SGSM1: variants seen among roughly 807,000 people sequenced by gnomAD.
SGSM1 encodes RUN and TBC1 domain containing 2.
SGSM1 carries 73 observed loss-of-function variants against 133.8 expected under a neutral mutation model. The ratio of observed to expected loss-of-function variants is 0.55; its 90% confidence interval spans 0.45 to 0.66. The LOEUF (loss-of-function observed/expected upper bound fraction) is 0.66, where lower values mean the gene tolerates loss of function less well. SGSM1 is among the 30% of genes least tolerant of loss of function. The pLI, the probability that SGSM1 is intolerant of heterozygous loss-of-function variation, is 0.00. For missense variants in SGSM1, 1,213 were observed against 1,448.1 expected (o/e 0.84, Z 2.64); for synonymous variants, 563 against 573.0 (o/e 0.98, Z 0.25).
rs938373680 is a variant in SGSM1, at chr22:24,905,249, G to A, written c.2818+62G>A. ...ATTTCCTTTCCACTGCATGGCAGAA[G>A]GCTTAATCTCACTTTGTGACTCTGT... On this transcript the variant is annotated intron_variant, in intron 21 of 24. Coordinates refer to ENST00000400358, the MANE Select transcript of SGSM1 (RefSeq NM_001098497.3). 6 of 1,486,502 alleles carry A rather than the reference G, an allele frequency of 4.0e-6. No homozygotes were observed. The African/African-American group carries it at 5.5e-5, about 14-fold the overall frequency. 92.1% of individuals were successfully genotyped at this position (1,486,502 alleles called of 1,614,324 possible). A position where few individuals can be genotyped will look rare whatever the true frequency, so the allele number is the denominator to read the frequency against.
At chr22:24,889,581 C>T (rs185656363) in intron 16 of SGSM1, among the ~76,000 whole-genome samples, 25 of 151,090 alleles carry the variant, frequency 1.7e-4, no homozygotes, top group African/African-American at 5.1e-4. Flanking sequence ...GCCTAATTTT[C>T]GTATTTTTAG....
At chr22:24,822,752 G>A (rs558655743) in intron 2 of SGSM1, among the ~76,000 whole-genome samples, 1 of 152,308 alleles carries the variant, frequency 6.6e-6, no homozygotes, top group Non-Finnish European at 1.5e-5. Flanking sequence ...AAGGGAGCAG[G>A]TGCATTGGTT....
chr22:24,825,873 T>G (rs933426243), intron 2 of SGSM1, among the ~76,000 whole-genome samples: 9 of 152,194 alleles, frequency 5.9e-5, no homozygotes, highest in African/African-American at 1.9e-4. Context: ...TCACCCCACC[T>G]GCATGGTACT....
chr22:24,829,999 G>A (rs1330936687), intron 2 of SGSM1, among the ~76,000 whole-genome samples: 1 of 152,164 alleles, frequency 6.6e-6, no homozygotes. Flanking sequence ...TTCCAGGGCT[G>A]CCTGGCCCTC....
chr22:24,854,934 CT>C (rs775424912), intron 5 of SGSM1, 61 bp from the exon 6 acceptor site: 6 of 1,377,622 alleles, frequency 4.4e-6, no homozygotes, highest in South Asian at 1.2e-5. Context: ...GAACTCTCAT[CT>C]GTGGATTGTG....
intron 22 of SGSM1, 74 bp from the exon 23 acceptor site, chr22:24,917,584 C>T (rs1474054888): frequency 1.6e-5 from 17 of 1,056,272 alleles, no homozygotes; most frequent in Non-Finnish European, 2.3e-5. Context: ...GTGGATGTAC[C>T]ACCATTTATT....
intron 2 of SGSM1, among the ~76,000 whole-genome samples, chr22:24,826,375 G>A (rs1044036760): frequency 1.3e-5 from 2 of 152,184 alleles, no homozygotes; most frequent in Non-Finnish European, 2.9e-5. Context: ...TTGCTACCCA[G>A]CCCTTTAGAG....
chr22:24,861,938 G>A (rs1366006739), intron 9 of SGSM1, among the ~76,000 whole-genome samples: 1 of 150,530 alleles, frequency 6.6e-6, no homozygotes, highest in Non-Finnish European at 1.5e-5. Context: ...CCAGAGTCTA[G>A]AGTTTCTTTC....
At chr22:24,823,082 C>T (rs1443402780) in intron 2 of SGSM1, among the ~76,000 whole-genome samples, 1 of 152,140 alleles carries the variant, frequency 6.6e-6, no homozygotes, top group African/African-American at 2.4e-5. Flanking sequence ...CATTTCTAAG[C>T]CTTGTGCTCT....
At chr22:24,863,941 A>G (rs1393942675) in intron 9 of SGSM1, among the ~76,000 whole-genome samples, 2 of 149,766 alleles carry the variant, frequency 1.3e-5, no homozygotes, top group Admixed American at 6.6e-5. Context: ...GGGTTTTTCC[A>G]TGTTGGTCAA....
intron 22 of SGSM1, among the ~76,000 whole-genome samples, chr22:24,916,938 G>T (rs530676540): frequency 6.6e-6 from 1 of 152,080 alleles, no homozygotes; most frequent in Admixed American, 6.6e-5. Flanking sequence ...GAGTTCAGTG[G>T]TGTAATCATA....
intron 14 of SGSM1, among the ~76,000 whole-genome samples, chr22:24,879,760 C>G (rs1216027696): frequency 6.6e-6 from 1 of 152,246 alleles, no homozygotes; most frequent in East Asian, 1.9e-4. Flanking sequence ...CAGTGGGGTC[C>G]CCTGGGGACA....
At chr22:24,920,745 A>C (rs1933977179) in intron 24 of SGSM1, among the ~76,000 whole-genome samples, 1 of 152,220 alleles carries the variant, frequency 6.6e-6, no homozygotes, top group Non-Finnish European at 1.5e-5. Context: ...AATTTAAGTA[A>C]ACTTTTTGGG....
intron 16 of SGSM1, among the ~76,000 whole-genome samples, chr22:24,891,356 T>C (rs1932811339): frequency 6.6e-6 from 1 of 152,100 alleles, no homozygotes. Context: ...TAAGACCCTG[T>C]CTAAAAAAAT....
In SGSM1 at chr22:24,867,254, G is replaced by A. The variant is rs1931511961; in HGVS notation, c.994+94G>A. The stretch of plus-strand genomic sequence containing the variant: ...CTATTCATTAGCATCATGAGCGAAT[G>A]ATATGGTGGACACCCCATGTTACCT... On this transcript the variant is annotated intron_variant, in intron 10 of 24. Transcript: ENST00000400358. 62 of 1,206,340 alleles carry A rather than the reference G, an allele frequency of 5.1e-5. 1 individual carries two copies. The South Asian group carries it at 7.0e-4, about 14-fold the overall frequency. The allele number at this position is 1,206,340 out of a possible 1,614,324, so 74.7% of individuals were successfully genotyped here.
chr22:24,867,264 A>G (rs2147872646), intron 10 of SGSM1, 104 bp downstream of exon 10: 1 of 1,095,400 alleles, frequency 9.1e-7, no homozygotes, highest in Admixed American at 2.0e-5. Context: ...GATATGGTGG[A>G]CACCCCATGT....
chr22:24,810,276 G>C (rs1927657913), intron 2 of SGSM1, among the ~76,000 whole-genome samples: 1 of 151,922 alleles, frequency 6.6e-6, no homozygotes, highest in Non-Finnish European at 1.5e-5. Context: ...AAATGATTCA[G>C]CTGGCAAGAT....
At chr22:24,880,580 G>A (rs1431423828) in intron 14 of SGSM1, among the ~76,000 whole-genome samples, 2 of 152,242 alleles carry the variant, frequency 1.3e-5, no homozygotes, top group African/African-American at 4.8e-5. Flanking sequence ...CACACCCTGA[G>A]TGCCTGGAGA....
At chr22:24,840,911 C>T (rs9612787) in intron 2 of SGSM1, among the ~76,000 whole-genome samples, 20,929 of 151,970 alleles carry the variant, frequency 0.14, 1,820 homozygotes, top group Non-Finnish European at 0.2. Flanking sequence ...ACTGCAGTGG[C>T]GCTATCTCGG....
Sources: gnomAD v4.1 joint callset for allele counts (sites outside exome capture counted in the v4.1 genomes callset) on GRCh38, gnomAD v4.1.1 for gene constraint, MANE v1.5 for transcripts, NCBI Gene and HGNC (gene_info 2026-07-23, HGNC 2026-07-21) for gene names.